NR5A2: variants seen among roughly 807,000 people sequenced by gnomAD.
The protein encoded by NR5A2 is nuclear receptor subfamily 5 group A member 2, also known as CYP7A promoter-binding factor.
NR5A2 carries 26 observed loss-of-function variants against 62.7 expected under a neutral mutation model. That is an observed-to-expected ratio of 0.41 (90% confidence interval 0.30 to 0.58). The LOEUF (loss-of-function observed/expected upper bound fraction) is 0.58. NR5A2 is among the 20% of genes least tolerant of loss of function. The pLI, the probability that NR5A2 is intolerant of heterozygous loss-of-function variation, is 0.22. For missense variants in NR5A2, 541 were observed against 669.1 expected (o/e 0.81, Z 2.11); for synonymous variants, 246 against 241.7 (o/e 1.02, Z -0.16).
At chr1:200,173,731 G>A (rs1194714572) in intron 7 of NR5A2, among the ~76,000 whole-genome samples, 1 of 152,168 alleles carries the variant, frequency 6.6e-6, no homozygotes, top group Admixed American at 6.5e-5. Context: ...ATCCACTGGT[G>A]TCTAATTGAT....
intron 5 of NR5A2, among the ~76,000 whole-genome samples, chr1:200,051,222 G>A (rs1467929995): frequency 6.6e-6 from 1 of 152,070 alleles, no homozygotes; most frequent in Non-Finnish European, 1.5e-5. Context: ...GACAGCCGCA[G>A]AGAATAAAAA....
Position 200,152,981 on chromosome 1 carries a change from G to A in NR5A2, c.1379-20982G>A, listed in dbSNP as rs184469024. The stretch of plus-strand genomic sequence containing the variant: ...GATCCTCTTTTCCCCAGCAAACCAG[G>A]TAGCAATGACATCTGCAAGGTTAGC... On this transcript the variant is annotated intron_variant, in intron 7 of 7. Transcript: ENST00000367362. Among the ~76,000 whole-genome samples, 12 of 152,304 alleles carry A rather than the reference G, an allele frequency of 7.9e-5. No individual in the cohort carries two copies. The East Asian group carries it at 1.3e-3, about 17-fold the overall frequency.
chr1:200,103,350 C>A (rs1489321403), intron 5 of NR5A2, among the ~76,000 whole-genome samples: 1 of 152,068 alleles, frequency 6.6e-6, no homozygotes, highest in Non-Finnish European at 1.5e-5. Flanking sequence ...GTCTCAAACT[C>A]CTGACCTGAT....
At chr1:200,066,858 G>A (rs72739191) in intron 5 of NR5A2, among the ~76,000 whole-genome samples, 17 of 152,262 alleles carry the variant, frequency 1.1e-4, no homozygotes, top group Non-Finnish European at 2.1e-4. Context: ...GATTACAGGC[G>A]TGAGCCCCCA....
At chr1:200,096,582 CTT>C (rs1665112771) in intron 5 of NR5A2, among the ~76,000 whole-genome samples, 1 of 152,126 alleles carries the variant, frequency 6.6e-6, no homozygotes, top group Admixed American at 6.5e-5. Flanking sequence ...GCTGAATTAC[CTT>C]ATTGTTTGAC....
chr1:200,091,484 C>CT (rs35491701), intron 5 of NR5A2, among the ~76,000 whole-genome samples: 46,355 of 126,486 alleles, frequency 0.37, 9,409 homozygotes, highest in Middle Eastern at 0.47. Flanking sequence ...TGCTCTCTTT[C>CT]TTTTTTTTTT....
intron 7 of NR5A2, among the ~76,000 whole-genome samples, chr1:200,169,578 C>T (rs2102393977): frequency 6.6e-6 from 1 of 152,198 alleles, no homozygotes. Context: ...GTTTACTTTC[C>T]AATAAGGATG....
intron 7 of NR5A2, among the ~76,000 whole-genome samples, chr1:200,121,711 C>T (rs1666488351): frequency 6.6e-6 from 1 of 152,128 alleles, no homozygotes; most frequent in African/African-American, 2.4e-5. Flanking sequence ...CTTAAATAAA[C>T]TTTTTGCCAA....
rs541148016 is a variant in NR5A2, at chr1:200,067,620, T to C, written c.1110+18802T>C. 8.5e-5 allele frequency among the ~76,000 whole-genome samples: 13 copies of C among 152,276 alleles called. No homozygotes were observed. In the South Asian group the frequency reaches 1.0e-3, roughly 12 times the overall value. Reference sequence around the variant, plus strand: ...CACAAGGGAACAACAGACACGAGTCTGCTTGGGGCTGGAGGGTGGGAGGAG... The same window carrying C: ...CACAAGGGAACAACAGACACGAGTCCGCTTGGGGCTGGAGGGTGGGAGGAG... On this transcript the variant is annotated intron_variant, in intron 5 of 7. Transcript: ENST00000367362.
Position 200,147,480 on chromosome 1 carries a change from AC to A in NR5A2, c.1379-26482del. On this transcript the variant is annotated intron_variant, in intron 7 of 7. Transcript: ENST00000367362. The surrounding 1 kb of genome is among the most constrained non-coding windows in gnomAD (Gnocchi z 4.9). ...CACGGAGAGCTCTTTGAGGCAAGGG[AC>A]AATTTGATCTGTTTCTTCATCCTTA... The A allele has an allele frequency of 1.6e-6, 1 of 615,144 alleles. No homozygotes were observed. Among genetic ancestry groups the A allele is most frequent in the Non-Finnish European group, 3.1e-6 (1 of 320,026 alleles). 38.1% of individuals were successfully genotyped at this position (615,144 alleles called of 1,614,324 possible). A position where few individuals can be genotyped will look rare whatever the true frequency, so the allele number is the denominator to read the frequency against.
intron 5 of NR5A2, among the ~76,000 whole-genome samples, chr1:200,077,571 A>G (rs542238018): frequency 6.6e-6 from 1 of 152,202 alleles, no homozygotes; most frequent in African/African-American, 2.4e-5. Context: ...AAAATTAGCC[A>G]GGCATGGTGG....
At chr1:200,151,339 G>C (rs1653104931) in intron 7 of NR5A2, among the ~76,000 whole-genome samples, 1 of 152,158 alleles carries the variant, frequency 6.6e-6, no homozygotes, top group African/African-American at 2.4e-5. Flanking sequence ...ATGATTTACT[G>C]TCAGAGCATC....
At chr1:200,096,236 C>T (rs764987379) in intron 5 of NR5A2, among the ~76,000 whole-genome samples, 75 of 152,130 alleles carry the variant, frequency 4.9e-4, no homozygotes, top group South Asian at 2.1e-3. Context: ...TACAGGTGTG[C>T]GCCACCATGC....
intron 7 of NR5A2, among the ~76,000 whole-genome samples, chr1:200,164,258 C>G (rs1392300007): frequency 6.6e-6 from 1 of 152,036 alleles, no homozygotes; most frequent in Non-Finnish European, 1.5e-5. Flanking sequence ...TATAAATTAC[C>G]CAGTCTTAGG....
intron 5 of NR5A2, among the ~76,000 whole-genome samples, chr1:200,086,733 G>A (rs543941470): frequency 2.0e-5 from 3 of 152,276 alleles, no homozygotes; most frequent in Non-Finnish European, 4.4e-5. Flanking sequence ...CTGCAATCCT[G>A]ACCTGTGCTA....
intron 5 of NR5A2, among the ~76,000 whole-genome samples, chr1:200,087,111 T>G (rs1347296599): frequency 6.6e-6 from 1 of 151,092 alleles, no homozygotes; most frequent in East Asian, 2.0e-4. Flanking sequence ...AGGGTCTTTG[T>G]TCAGGTGGTT....
chr1:200,100,191 A>C (rs1665299732), intron 5 of NR5A2, among the ~76,000 whole-genome samples: 1 of 152,242 alleles, frequency 6.6e-6, no homozygotes, highest in Non-Finnish European at 1.5e-5. Context: ...AACAATACCC[A>C]GAAAGAGAAG....
chr1:200,133,025 G>A (rs1667033298), intron 7 of NR5A2, among the ~76,000 whole-genome samples: 1 of 152,166 alleles, frequency 6.6e-6, no homozygotes, highest in Non-Finnish European at 1.5e-5. Context: ...TGTAGAGTCA[G>A]GATTTGAACT....
At chr1:200,168,620 T>C (rs1654025454) in intron 7 of NR5A2, among the ~76,000 whole-genome samples, 1 of 152,154 alleles carries the variant, frequency 6.6e-6, no homozygotes, top group Non-Finnish European at 1.5e-5. Flanking sequence ...AAGGGACTTA[T>C]GGGAATGAAT....
Sources: allele counts gnomAD v4.1 joint callset (sites outside exome capture counted in the v4.1 genomes callset), GRCh38; gene constraint gnomAD v4.1.1; non-coding constraint Gnocchi (gnomAD v3.1); transcripts MANE v1.5; gene names NCBI Gene and HGNC (gene_info 2026-07-23, HGNC 2026-07-21).